Variants in CDH4 observed in about 807,000 individuals in gnomAD.
The protein encoded by CDH4 is cadherin 4.
A neutral mutation model predicts 86.0 loss-of-function variants in CDH4; 33 were observed. The ratio of observed to expected loss-of-function variants is 0.38; its 90% CI spans 0.29 to 0.51. The LOEUF (loss-of-function observed/expected upper bound fraction) is 0.51, where lower values mean the gene tolerates loss of function less well. Among genes scored for constraint, CDH4 ranks in the 20% least tolerant of loss-of-function variants. The pLI is 0.86. For missense variants in CDH4, 1,114 were observed against 1,307.4 expected (o/e 0.85, Z 2.28); for synonymous variants, 555 against 549.4 (o/e 1.01, Z -0.14).
At chr20:61,714,843 C>A (rs144949196) in intron 2 of CDH4, among the ~76,000 whole-genome samples, 1 of 152,178 alleles carries the variant, frequency 6.6e-6, no homozygotes, top group African/African-American at 2.4e-5. Context: ...CATGTCTTTG[C>A]AATTGTGAAT....
At chr20:61,926,182 G>C (rs1012735124) in intron 11 of CDH4, among the ~76,000 whole-genome samples, 1 of 152,202 alleles carries the variant, frequency 6.6e-6, no homozygotes, top group African/African-American at 2.4e-5. Flanking sequence ...AGTGACCAGG[G>C]GCTCCGCTCT....
At chr20:61,636,353 A>G (rs2145795157) in intron 2 of CDH4, among the ~76,000 whole-genome samples, 1 of 152,370 alleles carries the variant, frequency 6.6e-6, no homozygotes, top group Admixed American at 6.5e-5. Flanking sequence ...GTTTGGCTCC[A>G]ATCATTAAAA....
At chr20:61,362,580 G>A (rs556377612) in intron 2 of CDH4, among the ~76,000 whole-genome samples, 315 of 152,190 alleles carry the variant, frequency 2.1e-3, no homozygotes, top group African/African-American at 7.4e-3. Context: ...GTGGAGAGCA[G>A]AGACGTGGCC....
chr20:61,457,499 T>C (rs1189415869), intron 2 of CDH4, among the ~76,000 whole-genome samples: 1 of 152,132 alleles, frequency 6.6e-6, no homozygotes, highest in Non-Finnish European at 1.5e-5. Flanking sequence ...GTGATAGTGA[T>C]GGGGGACAGG....
chr20:61,753,760 G>A lies in CDH4; in HGVS notation c.396+9971G>A, dbSNP rs112366741. 3.7e-3 allele frequency among the ~76,000 whole-genome samples: 570 copies of A among 152,298 alleles called. 1 individual carries two copies. The highest frequency in any genetic ancestry group is 0.013 in the African/African-American group (535 of 41,558). On this transcript the variant is annotated intron_variant, in intron 3 of 15. Coordinates refer to ENST00000614565, the MANE Select transcript of CDH4 (RefSeq NM_001794.5). ...AGCACACGTCAGCGTTTATGAGGAT[G>A]AACTCGGCCGAGCAATGTCCCACGG...
intron 2 of CDH4, among the ~76,000 whole-genome samples, chr20:61,580,757 A>C (rs947710468): frequency 6.6e-6 from 1 of 152,150 alleles, no homozygotes; most frequent in African/African-American, 2.4e-5. Context: ...GGGCGCACGA[A>C]ATGAGCCATT....
intron 2 of CDH4, among the ~76,000 whole-genome samples, chr20:61,468,701 C>T (rs1000799239): frequency 2.6e-5 from 4 of 152,190 alleles, no homozygotes; most frequent in Non-Finnish European, 5.9e-5. Flanking sequence ...CCAGCCTGTA[C>T]TGCCCTTCTC....
intron 7 of CDH4, among the ~76,000 whole-genome samples, chr20:61,883,185 C>T (rs6089541): frequency 0.51 from 77,020 of 151,474 alleles, 20,651 homozygotes; most frequent in Non-Finnish European, 0.6. Context: ...CACAGCTCGA[C>T]AGCCACATGT....
chr20:61,628,672 G>A (rs1025917201), intron 2 of CDH4, among the ~76,000 whole-genome samples: 13 of 152,298 alleles, frequency 8.5e-5, no homozygotes, highest in East Asian at 7.7e-4. Context: ...GGTGCACCCC[G>A]CCCAGCGGGT....
intron 2 of CDH4, among the ~76,000 whole-genome samples, chr20:61,610,846 G>A (rs1208380461): frequency 6.6e-6 from 1 of 152,160 alleles, no homozygotes; most frequent in Non-Finnish European, 1.5e-5. Flanking sequence ...AGCACTAGAG[G>A]ATACTGTAAG....
At chr20:61,763,764 C>T (rs2088666674) in intron 3 of CDH4, among the ~76,000 whole-genome samples, 1 of 152,140 alleles carries the variant, frequency 6.6e-6, no homozygotes, top group Non-Finnish European at 1.5e-5. Flanking sequence ...TTTAGCATTC[C>T]CTTCACTTAA....
chr20:61,847,402 C>T (rs193083060), intron 5 of CDH4, among the ~76,000 whole-genome samples: 3 of 152,162 alleles, frequency 2.0e-5, no homozygotes, highest in East Asian at 3.9e-4. Context: ...GGGTCACCCA[C>T]CCCTCTATGA....
At chr20:61,756,291 A>T (rs2088564075) in intron 3 of CDH4, among the ~76,000 whole-genome samples, 2 of 152,116 alleles carry the variant, frequency 1.3e-5, no homozygotes, top group African/African-American at 4.8e-5. Flanking sequence ...CTGCATTTGT[A>T]TGCTGGGGGC....
intron 2 of CDH4, among the ~76,000 whole-genome samples, chr20:61,268,833 C>G (rs1460876972): frequency 6.6e-6 from 1 of 152,192 alleles, no homozygotes; most frequent in Non-Finnish European, 1.5e-5. Flanking sequence ...GCCTGCAGAA[C>G]CATGCGCCAA....
At chr20:61,451,165 T>C (rs1168903104) in intron 2 of CDH4, among the ~76,000 whole-genome samples, 1 of 150,256 alleles carries the variant, frequency 6.7e-6, no homozygotes, top group Non-Finnish European at 1.5e-5. Flanking sequence ...CTGTGCATGT[T>C]TCTTCAATAG....
intron 6 of CDH4, among the ~76,000 whole-genome samples, chr20:61,855,469 C>A (rs530814534): frequency 5.9e-5 from 9 of 152,136 alleles, no homozygotes; most frequent in Non-Finnish European, 2.9e-5. Flanking sequence ...AGGAGCCCCT[C>A]GCAAGGGTGC....
intron 2 of CDH4, among the ~76,000 whole-genome samples, chr20:61,397,485 A>G (rs1021329637): frequency 6.6e-6 from 1 of 152,118 alleles, no homozygotes; most frequent in African/African-American, 2.4e-5. Context: ...GGCTTTCCCA[A>G]CGAGACCTAG....
At chr20:61,924,284 G>A in intron 10 of CDH4, 50 bp from the exon 11 acceptor site, 1 of 1,562,550 alleles carries the variant, frequency 6.4e-7, no homozygotes. Flanking sequence ...ATCCAGGGCA[G>A]CCCCGCCCAC....
chr20:61,922,612 C>T (rs1362747292), intron 9 of CDH4, among the ~76,000 whole-genome samples: 4 of 152,220 alleles, frequency 2.6e-5, no homozygotes, highest in African/African-American at 4.8e-5. Context: ...CCGGCAGGAA[C>T]GGTCTCGCTT....
Sources: gnomAD v4.1 joint callset for allele counts (sites outside exome capture counted in the v4.1 genomes callset) on GRCh38, gnomAD v4.1.1 for gene constraint, MANE v1.5 for transcripts, NCBI Gene and HGNC (gene_info 2026-07-23, HGNC 2026-07-21) for gene names.